Variants in DNAJC6 observed in about 807,000 individuals in gnomAD.
The protein encoded by DNAJC6 is DnaJ heat shock protein family (Hsp40) member C6.
DNAJC6 carries 34 observed loss-of-function variants against 110.0 expected under a neutral mutation model. The ratio of observed to expected loss-of-function variants is 0.31; its 90% CI spans 0.24 to 0.41. DNAJC6 has a LOEUF of 0.41. Among genes scored for constraint, DNAJC6 ranks in the 10% least tolerant of loss-of-function variants. The probability of loss-of-function intolerance (pLI) is 1.00; values close to 1 mark genes in which losing one functional copy is unlikely to be tolerated. For synonymous variants in DNAJC6, 406 were observed against 437.2 expected (o/e 0.93, Z 0.89); for missense variants, 1,031 against 1,207.8 (o/e 0.85, Z 2.17).
intron 1 of DNAJC6, among the ~76,000 whole-genome samples, chr1:65,303,581 C>T (rs1350070753): frequency 1.3e-5 from 2 of 150,126 alleles, no homozygotes; most frequent in Admixed American, 6.6e-5. Context: ...TTTTTTGAGA[C>T]GGAGTCTCCC....
At chr1:65,282,425 C>T (rs1653882493) in intron 1 of DNAJC6, among the ~76,000 whole-genome samples, 1 of 152,284 alleles carries the variant, frequency 6.6e-6, no homozygotes, top group Middle Eastern at 3.4e-3. Context: ...CTCTGCCCTT[C>T]CCCCTTAAAG....
chr1:65,413,130 C>CA lies in DNAJC6; in HGVS notation c.*106dup. On this transcript the variant is annotated 3_prime_UTR_variant, in exon 19 of 19. Coordinates refer to ENST00000371069, the MANE Select transcript of DNAJC6 (RefSeq NM_001256864.2). The stretch of plus-strand genomic sequence containing the variant: ...ACCAAAAACTCCAGTAACATGTTTT[C>CA]AGTACTAAACCGTTAAGTTACTCAT... 1.2e-6 allele frequency: 1 copy of CA among 868,472 alleles called. No homozygotes were observed. The highest frequency in any genetic ancestry group is 1.8e-6 in the Non-Finnish European group (1 of 548,024). The allele number at this position is 868,472 out of a possible 1,614,324, so 53.8% of individuals were successfully genotyped here. A position where few individuals can be genotyped will look rare whatever the true frequency, so the allele number is the denominator to read the frequency against.
chr1:65,374,689 T>G (rs1165174477), intron 4 of DNAJC6, among the ~76,000 whole-genome samples: 1 of 152,180 alleles, frequency 6.6e-6, no homozygotes, highest in Non-Finnish European at 1.5e-5. Flanking sequence ...GGTGGAGTGT[T>G]TAGGTTTTTC....
chr1:65,266,667 A>G (rs866613431), intron 1 of DNAJC6, among the ~76,000 whole-genome samples: 19 of 152,148 alleles, frequency 1.2e-4, no homozygotes, highest in Admixed American at 3.9e-4. Context: ...TGTTGTTTTC[A>G]GTGGTTGGAG....
chr1:65,379,653 A>G, intron 5 of DNAJC6, 129 bp downstream of exon 5: 3 of 1,304,948 alleles, frequency 2.3e-6, no homozygotes, highest in Non-Finnish European at 3.1e-6. Flanking sequence ...GGAATTGGGT[A>G]ATGTGAGAGT....
At chr1:65,376,548 T>G (rs1645768211) in intron 4 of DNAJC6, among the ~76,000 whole-genome samples, 1 of 151,806 alleles carries the variant, frequency 6.6e-6, no homozygotes, top group South Asian at 2.1e-4. Flanking sequence ...CTCTTAGTAC[T>G]TCTTTTGCTG....
At chr1:65,381,287 C>A (rs1645819890) in intron 5 of DNAJC6, among the ~76,000 whole-genome samples, 1 of 151,804 alleles carries the variant, frequency 6.6e-6, no homozygotes, top group African/African-American at 2.4e-5. Context: ...GTGGCTCATG[C>A]CTATAATTCC....
chr1:65,378,532 G>A (rs149733072), intron 4 of DNAJC6, among the ~76,000 whole-genome samples: 20 of 152,294 alleles, frequency 1.3e-4, no homozygotes, highest in African/African-American at 4.6e-4. Flanking sequence ...TATGAAGAAA[G>A]GCTTAAAGAG....
intron 1 of DNAJC6, among the ~76,000 whole-genome samples, chr1:65,342,811 G>T (rs1570871): frequency 0.63 from 95,351 of 152,056 alleles, 31,393 homozygotes; most frequent in African/African-American, 0.84. Context: ...GAATAGAAAC[G>T]GTTGGTTTCT....
At chr1:65,307,331 G>A (rs1312186504), upstream of DNAJC6, among the ~76,000 whole-genome samples, 1 of 151,634 alleles carries the variant, frequency 6.6e-6, no homozygotes, top group Non-Finnish European at 1.5e-5. Flanking sequence ...TTTATATTAA[G>A]TATAAAGATA....
At chr1:65,272,206 TA>T (rs1653529183) in intron 1 of DNAJC6, among the ~76,000 whole-genome samples, 1 of 152,236 alleles carries the variant, frequency 6.6e-6, no homozygotes, top group Non-Finnish European at 1.5e-5. Context: ...TATGGACACT[TA>T]AAAATTAGAT....
At position 65,368,371 on chromosome 1, in the gene DNAJC6, A is replaced by G. The variant is rs1348335565; in HGVS notation, c.543+2175A>G. ...CCATTCTTCATTGCCCAAAAATCAT[A>G]TGCTCCAATAGGGATAGGCATGTGC... On this transcript the variant is annotated intron_variant, in intron 4 of 18. Transcript: ENST00000371069. 4.0e-5 allele frequency among the ~76,000 whole-genome samples: 3 copies of G among 74,762 alleles called. No homozygotes were observed. The African/African-American group carries it at 5.2e-4, about 13-fold the overall frequency. 49.0% of individuals were successfully genotyped at this position (74,762 alleles called of 152,430 possible). A position where few individuals can be genotyped will look rare whatever the true frequency, so the allele number is the denominator to read the frequency against.
intron 1 of DNAJC6, among the ~76,000 whole-genome samples, chr1:65,336,538 C>T (rs1466576893): frequency 6.6e-6 from 1 of 152,220 alleles, no homozygotes; most frequent in Admixed American, 6.5e-5. Context: ...GTCCCCATTA[C>T]TCAGCTTCGA....
At chr1:65,308,942 C>CTT (rs1645069641), upstream of DNAJC6, among the ~76,000 whole-genome samples, 1 of 11,058 alleles carries the variant, frequency 9.0e-5, no homozygotes, top group South Asian at 2.9e-3. Context: ...GGGATCATCC[C>CTT]TATTCTGGAG....
At chr1:65,285,708 C>A (rs555714498) in intron 1 of DNAJC6, among the ~76,000 whole-genome samples, 1 of 151,888 alleles carries the variant, frequency 6.6e-6, no homozygotes, top group Non-Finnish European at 1.5e-5. Context: ...AGTCTCATTC[C>A]GTCACCCAGG....
At chr1:65,340,402 G>A (rs917890932) in intron 1 of DNAJC6, among the ~76,000 whole-genome samples, 1 of 152,170 alleles carries the variant, frequency 6.6e-6, no homozygotes, top group African/African-American at 2.4e-5. Context: ...TATTGGGCAA[G>A]GTCTTCTTTG....
At chr1:65,387,674 A>G (rs1455398183) in intron 8 of DNAJC6, among the ~76,000 whole-genome samples, 3 of 152,218 alleles carry the variant, frequency 2.0e-5, no homozygotes, top group Non-Finnish European at 2.9e-5. Context: ...GTCACAATGT[A>G]TTAATCTTAG....
chr1:65,348,904 G>A (rs1244822327), intron 1 of DNAJC6, among the ~76,000 whole-genome samples: 1 of 146,560 alleles, frequency 6.8e-6, no homozygotes, highest in African/African-American at 2.5e-5. Context: ...TGGCTTTTTG[G>A]CTATATATAT....
intron 1 of DNAJC6, among the ~76,000 whole-genome samples, chr1:65,325,852 T>G (rs908548197): frequency 1.3e-5 from 2 of 152,252 alleles, no homozygotes; most frequent in African/African-American, 4.8e-5. Flanking sequence ...GCTACAAGCC[T>G]GTATAGCATG....
Sources: gnomAD v4.1 joint callset for allele counts (sites outside exome capture counted in the v4.1 genomes callset) on GRCh38, gnomAD v4.1.1 for gene constraint, MANE v1.5 for transcripts, NCBI Gene and HGNC (gene_info 2026-07-23, HGNC 2026-07-21) for gene names.